MAP7D2: variants seen among roughly 807,000 people sequenced by gnomAD.
The protein encoded by MAP7D2 is MAP7 domain containing 2.
Under a neutral mutation model 63.5 loss-of-function variants are expected in MAP7D2, and 33 were observed. The ratio of observed to expected loss-of-function variants is 0.52; its 90% CI spans 0.39 to 0.70. The LOEUF is 0.70. MAP7D2 is among the 30% of genes least tolerant of loss of function. The pLI is 0.00. For missense variants in MAP7D2, 626 were observed against 604.0 expected, an observed-to-expected ratio of 1.04 and a Z score of -0.38; for synonymous variants, 224 against 223.7, an observed-to-expected ratio of 1.00 and a Z score of -0.01.
chrX:20,040,934 A>C (rs772189862), intron 8 of MAP7D2, among the ~76,000 whole-genome samples: 5 of 111,893 alleles, frequency 4.5e-5, no homozygotes, highest in Non-Finnish European at 9.4e-5. Context: ...TTTGTAAAAC[A>C]AACAACAACA....
chrX:20,050,757 T>C, intron 6 of MAP7D2, 67 bp downstream of exon 6: 1 of 1,066,822 alleles, frequency 9.4e-7, no homozygotes, highest in South Asian at 2.9e-5. Flanking sequence ...AATTCAGGAG[T>C]AAATCCTAGG....
chrX:20,108,988 C>T (rs746630697), intron 1 of MAP7D2, among the ~76,000 whole-genome samples: 2 of 110,073 alleles, frequency 1.8e-5, no homozygotes, highest in East Asian at 5.7e-4. Flanking sequence ...TGGAACTTAT[C>T]TTCCTCTAAG....
intron 1 of MAP7D2, among the ~76,000 whole-genome samples, chrX:20,080,794 G>C (rs2065759386): frequency 9.0e-6 from 1 of 111,650 alleles, no homozygotes; most frequent in South Asian, 3.7e-4. Context: ...ATGCAAACAG[G>C]AGGAGGGAAA....
chrX:20,015,303 G>A lies in MAP7D2; in HGVS notation c.1669C>T (p.Arg557Trp), dbSNP rs763697613. ...AGACGCATCTGTTCAGCTACCTCCC[G>A]GGCCTTTGTTTCTGCTGCTTCTTTC... ...KQKEAAETKA[R>W]EVAEQMRLER... The change falls in exon 12 of 17, where the codon CGG (arginine) becomes TGG (tryptophan). Residue 557 changes from arginine to tryptophan, a missense_variant. By Grantham distance (101) the Arg-to-Trp change is moderately radical (BLOSUM62 -3). Coordinates refer to ENST00000379643, the MANE Select transcript of MAP7D2 (RefSeq NM_001168465.2). The A allele has an allele frequency of 2.6e-5, 32 of 1,208,142 alleles. No homozygotes were observed. Among genetic ancestry groups the A allele is most frequent in the African/African-American group, 3.5e-5 (2 of 56,981 alleles).
At chrX:20,053,413 C>T (rs1438043103) in intron 4 of MAP7D2, among the ~76,000 whole-genome samples, 4 of 111,793 alleles carry the variant, frequency 3.6e-5, no homozygotes, top group East Asian at 5.6e-4. Context: ...TTGCTGAAAC[C>T]GACTCTTTTA....
chrX:20,041,365 T>G (rs1388594517), intron 8 of MAP7D2, among the ~76,000 whole-genome samples: 2 of 111,746 alleles, frequency 1.8e-5, no homozygotes, highest in African/African-American at 6.5e-5. Context: ...GAAAGAAAAG[T>G]AGGCTTTTAA....
intron 1 of MAP7D2, among the ~76,000 whole-genome samples, chrX:20,080,697 C>A (rs939789926): frequency 4.5e-5 from 5 of 111,606 alleles, no homozygotes; most frequent in African/African-American, 1.6e-4. Flanking sequence ...GGAGCAGGGG[C>A]TCCAGAGCCA....
intron 1 of MAP7D2, among the ~76,000 whole-genome samples, chrX:20,110,903 G>A (rs1244444267): frequency 9.0e-6 from 1 of 111,113 alleles, no homozygotes; most frequent in Non-Finnish European, 1.9e-5. Flanking sequence ...CACATCAACA[G>A]GTGGAGTCTA....
chrX:20,020,503 C>T (rs1005377078), intron 10 of MAP7D2, among the ~76,000 whole-genome samples: 2 of 111,996 alleles, frequency 1.8e-5, no homozygotes, highest in South Asian at 3.7e-4. Flanking sequence ...CAACAGCCTT[C>T]GTCTTTGATA....
At chrX:20,096,431 AAAAAAAAAAAAAAAAAAG>A (rs1233931522) in intron 1 of MAP7D2, among the ~76,000 whole-genome samples, 1 of 69,683 alleles carries the variant, frequency 1.4e-5, no homozygotes, top group Non-Finnish European at 2.8e-5. Flanking sequence ...CCTTGTCTCA[AAAAAAAAAAAAAAAAAAG>A]AAAAAAAAGA....
intron 1 of MAP7D2, among the ~76,000 whole-genome samples, chrX:20,105,025 G>A (rs1335830362): frequency 1.8e-5 from 2 of 111,734 alleles, no homozygotes; most frequent in Non-Finnish European, 3.8e-5. Flanking sequence ...CCCAGTTTAC[G>A]ATTCAGACGG....
intron 3 of MAP7D2, among the ~76,000 whole-genome samples, chrX:20,059,636 A>G (rs866112805): frequency 2.0e-5 from 2 of 102,316 alleles, no homozygotes; most frequent in African/African-American, 3.6e-5. Context: ...GGGTGGAAGG[A>G]AGGAAGGAAG....
chrX:20,089,999 A>G (rs1001557341), intron 1 of MAP7D2, among the ~76,000 whole-genome samples: 1 of 111,527 alleles, frequency 9.0e-6, no homozygotes, highest in Non-Finnish European at 1.9e-5. Flanking sequence ...ATCCCAAAAC[A>G]TTCCCTTTTG....
intron 1 of MAP7D2, among the ~76,000 whole-genome samples, chrX:20,107,573 G>A (rs2066606239): frequency 9.3e-6 from 1 of 107,847 alleles, no homozygotes; most frequent in Admixed American, 9.9e-5. Context: ...TCTGTTTCCC[G>A]CCCCCCCCAA....
intron 6 of MAP7D2, among the ~76,000 whole-genome samples, chrX:20,050,544 C>T (rs779910603): frequency 8.9e-6 from 1 of 111,889 alleles, no homozygotes; most frequent in South Asian, 3.7e-4. Context: ...TTTTGCCACA[C>T]CGTCTCTTAA....
chrX:20,095,949 G>A (rs2066245596), intron 1 of MAP7D2, among the ~76,000 whole-genome samples: 1 of 108,416 alleles, frequency 9.2e-6, no homozygotes, highest in African/African-American at 3.4e-5. Flanking sequence ...AGGCATGGTG[G>A]TGGGCACCTG....
At position 20,015,283 on chromosome X, in the gene MAP7D2, C is replaced by A. The variant is rs2073346384; in HGVS notation, c.1689G>T (p.Met563Ile). 1 of 1,209,723 alleles carries A rather than the reference C, an allele frequency of 8.3e-7. No individual in the cohort carries two copies. Among genetic ancestry groups the A allele is most frequent in the African/African-American group, 1.7e-5 (1 of 57,199 alleles). The change falls in exon 12 of 17, where the codon ATG becomes ATT. Residue 563 changes from methionine to isoleucine, a missense_variant. Transcript: ENST00000379643. Reference protein sequence around the residue: ...ETKAREVAEQMRLEREQIMLQ... With the variant: ...ETKAREVAEQIRLEREQIMLQ... ...GCATAATCTGTTCTCTCTCGAGACG[C>A]ATCTGTTCAGCTACCTCCCGGGCCT...
intron 15 of MAP7D2, among the ~76,000 whole-genome samples, chrX:20,011,785 TTCTC>T (rs1212699730): frequency 2.7e-5 from 3 of 112,171 alleles, no homozygotes; most frequent in African/African-American, 6.5e-5. Context: ...CTGGTTTTCT[TTCTC>T]TCTCTCTCTT....
At chrX:20,115,991 C>T (rs1341208152) in intron 1 of MAP7D2, among the ~76,000 whole-genome samples, 1 of 113,007 alleles carries the variant, frequency 8.8e-6, no homozygotes, top group African/African-American at 3.2e-5. Context: ...ATCAGACCTG[C>T]TTATCTAAAA....
Sources: allele counts gnomAD v4.1 joint callset (sites outside exome capture counted in the v4.1 genomes callset), GRCh38; gene constraint gnomAD v4.1.1; transcripts MANE v1.5; gene names NCBI Gene and HGNC (gene_info 2026-07-23, HGNC 2026-07-21).